Variants in STX5 observed in about 807,000 individuals in gnomAD.
STX5 encodes syntaxin 5, also known as syntaxin-5.
Under a neutral mutation model 42.9 loss-of-function variants are expected in STX5, and 15 were observed. That is an observed-to-expected ratio of 0.35 (90% CI 0.23 to 0.54). The LOEUF (loss-of-function observed/expected upper bound fraction) is 0.54, where lower values mean the gene tolerates loss of function less well. Among genes scored for constraint, STX5 ranks in the 20% least tolerant of loss-of-function variants. The pLI is 0.91. For missense variants in STX5, 430 were observed against 455.0 expected, an observed-to-expected ratio of 0.95 and a Z score of 0.50; for synonymous variants, 184 against 173.2, an observed-to-expected ratio of 1.06 and a Z score of -0.49.
At chr11:62,811,967 T>C (rs971837573) in intron 10 of STX5, among the ~76,000 whole-genome samples, 6 of 152,062 alleles carry the variant, frequency 3.9e-5, no homozygotes, top group South Asian at 4.1e-4. Flanking sequence ...ATGCTAACAG[T>C]GAAAAATACT....
intron 10 of STX5, among the ~76,000 whole-genome samples, chr11:62,813,038 G>A (rs2084635503): frequency 6.6e-6 from 1 of 151,106 alleles, no homozygotes; most frequent in Non-Finnish European, 1.5e-5. Context: ...TTTGAACCCA[G>A]GAGGCGGAGG....
At chr11:62,820,325 C>T (rs992738599) in intron 10 of STX5, among the ~76,000 whole-genome samples, 9 of 149,262 alleles carry the variant, frequency 6.0e-5, no homozygotes, top group South Asian at 4.3e-4. Flanking sequence ...GCCGAGATCA[C>T]GCGACTGCAC....
chr11:62,827,527 G>C (rs1565215537), intron 3 of STX5, 34 bp downstream of exon 3: 7 of 1,613,746 alleles, frequency 4.3e-6, no homozygotes, highest in Admixed American at 1.7e-5. Context: ...TTCAGACACT[G>C]TATCACCCCA....
chr11:62,821,378 G>A (rs925497380), intron 10 of STX5, among the ~76,000 whole-genome samples: 1 of 152,036 alleles, frequency 6.6e-6, no homozygotes, highest in Non-Finnish European at 1.5e-5. Flanking sequence ...TAAATTTGTT[G>A]TATCTATGTA....
Position 62,824,149 on chromosome 11 carries a change from G to C in STX5, c.908+17C>G. On this transcript the variant is annotated intron_variant, in intron 10 of 10. Coordinates refer to ENST00000294179, the MANE Select transcript of STX5 (RefSeq NM_003164.5). Reference sequence around the variant, plus strand: ...AAGAGAAAGCTCCTCTGTTTGGGGCGAGAGAGTGTATCTCACCTCTGAATG... The same window carrying C: ...AAGAGAAAGCTCCTCTGTTTGGGGCCAGAGAGTGTATCTCACCTCTGAATG... The C allele has an allele frequency of 6.2e-7, 1 of 1,614,126 alleles. No individual in the cohort carries two copies. Among genetic ancestry groups the C allele is most frequent in the Non-Finnish European group, 8.5e-7 (1 of 1,180,018 alleles).
At chr11:62,828,241 A>T (rs1199145655) in intron 2 of STX5, among the ~76,000 whole-genome samples, 1 of 151,934 alleles carries the variant, frequency 6.6e-6, no homozygotes, top group Admixed American at 6.6e-5. Context: ...CAGCCTCCCA[A>T]GTAGCTGGGA....
At position 62,807,314 on chromosome 11, in the gene STX5, G is replaced by A; in HGVS notation, c.*155C>T. The stretch of plus-strand genomic sequence containing the variant: ...GGGAGGACAGGGTGGCCAGAGGCAA[G>A]GGGTGGGGGATCAGGGGCAGTGGTC... On this transcript the variant is annotated 3_prime_UTR_variant, in exon 11 of 11. Coordinates refer to ENST00000294179, the MANE Select transcript of STX5 (RefSeq NM_003164.5). 8.2e-7 allele frequency: 1 copy of A among 1,223,208 alleles called. No individual in the cohort carries two copies. The allele number at this position is 1,223,208 out of a possible 1,614,324, so 75.8% of individuals were successfully genotyped here. A position where few individuals can be genotyped will look rare whatever the true frequency, so the allele number is the denominator to read the frequency against.
rs1331686087 is a variant in STX5, at chr11:62,826,901, A to ATT, written c.423+252_423+253dup. ...CCTCAAAAAAAAAAAAAAAAAAAAA[A>ATT]TTATCCAGGAATGAGGGCATGTCCC... On this transcript the variant is annotated intron_variant, in intron 5 of 10. Transcript: ENST00000294179. Among the ~76,000 whole-genome samples, 370 of 149,544 alleles carry ATT rather than the reference A, an allele frequency of 2.5e-3. 1 individual carries two copies. The highest frequency in any genetic ancestry group is 3.9e-3 in the Non-Finnish European group (262 of 67,340).
intron 10 of STX5, among the ~76,000 whole-genome samples, chr11:62,817,616 C>T (rs571317157): frequency 6.6e-6 from 1 of 152,020 alleles, no homozygotes; most frequent in Non-Finnish European, 1.5e-5. Flanking sequence ...AATGAATGGC[C>T]CCATCCCTAG....
Position 62,807,421 on chromosome 11 carries a change from C to A in STX5, c.*48G>T. The A allele has an allele frequency of 3.8e-6, 6 of 1,598,032 alleles. No homozygotes were observed. Among genetic ancestry groups the A allele is most frequent in the Non-Finnish European group, 5.1e-6 (6 of 1,170,636 alleles). On this transcript the variant is annotated 3_prime_UTR_variant, in exon 11 of 11. Coordinates refer to ENST00000294179, the MANE Select transcript of STX5 (RefSeq NM_003164.5). ...AGTGGCAGCACTGGCCACTTGCCTT[C>A]CCAGGAGGGTCCCAAACCCCAACAG...
At position 62,827,361 on chromosome 11, in the gene STX5, G is replaced by T; in HGVS notation, c.334C>A (p.Leu112Met). ...GKDLSNTFAK[L>M]EKLTILAKRK... is the part of the protein sequence containing the mutation. ...CACTCACAGATTGTCAGCTTCTCCA[G>T]CTTGGCAAATGTGTTGCTAAGGTCT... is the stretch of plus-strand genomic sequence containing the variant. The change falls in exon 4 of 11, where the codon CTG becomes ATG. Residue 112 changes from leucine to methionine, a missense_variant. Leu to Met is a conservative substitution (Grantham distance 15). Transcript: ENST00000294179. The T allele has an allele frequency of 6.2e-7, 1 of 1,614,212 alleles. No individual in the cohort carries two copies. Among genetic ancestry groups the T allele is most frequent in the Non-Finnish European group, 8.5e-7 (1 of 1,180,040 alleles).
intron 2 of STX5, among the ~76,000 whole-genome samples, chr11:62,830,064 C>CAAA (rs764798047): frequency 5.6e-5 from 3 of 53,192 alleles, no homozygotes; most frequent in East Asian, 5.6e-4. Context: ...AATTCCTTCT[C>CAAA]AAAAAAAAAA....
intron 10 of STX5, among the ~76,000 whole-genome samples, chr11:62,819,603 C>T (rs1344019651): frequency 3.3e-5 from 5 of 151,972 alleles, no homozygotes; most frequent in South Asian, 2.1e-4. Flanking sequence ...CTGCAACCTC[C>T]GCCCCCAGGG....
intron 10 of STX5, among the ~76,000 whole-genome samples, chr11:62,815,287 T>C (rs1441095274): frequency 6.6e-6 from 1 of 152,206 alleles, no homozygotes; most frequent in East Asian, 1.9e-4. Context: ...ATTACAGGCA[T>C]GAGCCACCAT....
At chr11:62,825,587 T>C (rs900016749) in intron 5 of STX5, 48 bp from the exon 6 acceptor site, 1 of 1,540,770 alleles carries the variant, frequency 6.5e-7, no homozygotes, top group Non-Finnish European at 9.0e-7. Flanking sequence ...AAGGAGTCCT[T>C]AGTCAGCATC....
At position 62,825,026 on chromosome 11, in the gene STX5, T is replaced by C; in HGVS notation, c.679+10A>G. The C allele has an allele frequency of 1.2e-6, 2 of 1,613,764 alleles. No individual in the cohort carries two copies. Among genetic ancestry groups the C allele is most frequent in the Non-Finnish European group, 1.7e-6 (2 of 1,179,922 alleles). On this transcript the variant is annotated intron_variant, in intron 8 of 10. Transcript: ENST00000294179. ...ACCTCCCAGGGCTCCCCGTTTTACC[T>C]GTGACTTACCCAGGTGGTTAGGGGC...
intron 10 of STX5, among the ~76,000 whole-genome samples, chr11:62,813,780 G>C (rs184368234): frequency 6.6e-6 from 1 of 152,220 alleles, no homozygotes; most frequent in East Asian, 1.9e-4. Context: ...TGAGAAGACT[G>C]AAGTGGTCTG....
chr11:62,829,758 A>T (rs1037424207), intron 2 of STX5, among the ~76,000 whole-genome samples: 24 of 151,630 alleles, frequency 1.6e-4, no homozygotes, highest in Non-Finnish European at 3.4e-4. Flanking sequence ...GAGTGAGACC[A>T]TGTTTCCAAA....
At chr11:62,813,522 C>T (rs545737217) in intron 10 of STX5, among the ~76,000 whole-genome samples, 17 of 152,262 alleles carry the variant, frequency 1.1e-4, no homozygotes, top group Non-Finnish European at 1.9e-4. Flanking sequence ...TTTCTTTTAC[C>T]TTGGCCAGTT....
Sources: gnomAD v4.1 joint callset for allele counts (sites outside exome capture counted in the v4.1 genomes callset) on GRCh38, gnomAD v4.1.1 for gene constraint, MANE v1.5 for transcripts, NCBI Gene and HGNC (gene_info 2026-07-23, HGNC 2026-07-21) for gene names.